KIF14: variants seen among roughly 807,000 people sequenced by gnomAD.
The protein encoded by KIF14 is kinesin family member 14.
Under a neutral mutation model 176.2 loss-of-function variants are expected in KIF14, and 98 were observed. The observed-to-expected ratio is 0.56, with a 90% CI of 0.47 to 0.66. The LOEUF is 0.66. Ranked by LOEUF, KIF14 falls within the 30% of genes least tolerant of loss-of-function variation. The pLI is 0.00. For synonymous variants in KIF14, 566 were observed against 632.2 expected (o/e 0.90, Z 1.57); for missense variants, 1,751 against 1,920.4 (o/e 0.91, Z 1.65).
At chr1:200,620,354 C>G (rs994565041) in intron 1 of KIF14, 57 bp downstream of exon 1, 3 of 152,238 alleles carry the variant, frequency 2.0e-5, no homozygotes, top group African/African-American at 2.4e-5. Flanking sequence ...ACCAAAACAT[C>G]CGGTGATTCT....
chr1:200,569,388 T>G (rs141892553), intron 23 of KIF14, among the ~76,000 whole-genome samples: 1 of 152,244 alleles, frequency 6.6e-6, no homozygotes, highest in Admixed American at 6.5e-5. Flanking sequence ...TGAAATAATT[T>G]TGGGATAGAT....
At chr1:200,591,682 C>A (rs1034326134) in intron 16 of KIF14, among the ~76,000 whole-genome samples, 13 of 152,216 alleles carry the variant, frequency 8.5e-5, no homozygotes, top group African/African-American at 3.1e-4. Context: ...GGATTCTCCT[C>A]TATGGGACGT....
At chr1:200,597,779 C>T (rs920630599) in intron 14 of KIF14, among the ~76,000 whole-genome samples, 9 of 152,082 alleles carry the variant, frequency 5.9e-5, no homozygotes, top group African/African-American at 2.2e-4. Context: ...AAAACAGGAA[C>T]CAATGTACAC....
chr1:200,579,400 A>G (rs955679487), intron 21 of KIF14, among the ~76,000 whole-genome samples: 3 of 152,178 alleles, frequency 2.0e-5, no homozygotes, highest in Admixed American at 2.0e-4. Context: ...CGAGGTCAGG[A>G]GTTCGAGACC....
chr1:200,598,264 G>C lies in KIF14; in HGVS notation c.2522C>G (p.Ser841Cys). Residue 841 changes from serine to cysteine, a missense_variant, in exon 14 of 30, where the codon TCT (serine) becomes TGT (cysteine). Physicochemically the swap from Ser to Cys is moderately radical, Grantham distance 112. Coordinates refer to ENST00000367350, the MANE Select transcript of KIF14 (RefSeq NM_014875.3). The stretch of plus-strand genomic sequence containing the variant: ...ATGATCATCAGCAATCAGCACCCCA[G>C]ATAACTGAATATCATGGCTTGAGTT... ...KPNSSHDIQL[S>C]GVLIADDHCT... 1 of 1,612,844 alleles carries C rather than the reference G, an allele frequency of 6.2e-7. No homozygotes were observed. Among genetic ancestry groups the C allele is most frequent in the East Asian group, 2.2e-5 (1 of 44,728 alleles).
At chr1:200,598,645 GC>G (rs1214721521) in intron 13 of KIF14, among the ~76,000 whole-genome samples, 1 of 152,072 alleles carries the variant, frequency 6.6e-6, no homozygotes, top group Non-Finnish European at 1.5e-5. Flanking sequence ...TGCAACCTCT[GC>G]CTCCTGGGTT....
intron 25 of KIF14, among the ~76,000 whole-genome samples, chr1:200,563,246 T>C (rs1010872482): frequency 6.6e-6 from 1 of 152,222 alleles, no homozygotes; most frequent in Non-Finnish European, 1.5e-5. Context: ...AGTCTTTCGG[T>C]GGGCACTATA....
intron 8 of KIF14, among the ~76,000 whole-genome samples, chr1:200,604,189 C>A (rs772180203): frequency 3.6e-4 from 54 of 152,018 alleles, no homozygotes; most frequent in Non-Finnish European, 6.5e-4. Flanking sequence ...ACCTCAGGCT[C>A]CCAAGTAGCT....
chr1:200,568,342 GATAA>G (rs1657583082), intron 23 of KIF14, among the ~76,000 whole-genome samples: 1 of 151,992 alleles, frequency 6.6e-6, no homozygotes, highest in Admixed American at 6.5e-5. Flanking sequence ...TTATTTTGCT[GATAA>G]ATAAAAAACC....
rs554329212 is a variant in KIF14 at position 200,603,075 on chromosome 1, G to A, written c.1979+151C>T. The A allele has an allele frequency of 5.7e-4, 281 of 493,406 alleles. 1 individual carries two copies. Among genetic ancestry groups the A allele is most frequent in the African/African-American group, 5.0e-3 (263 of 52,968 alleles). 30.6% of individuals were successfully genotyped at this position (493,406 alleles called of 1,614,324 possible). On this transcript the variant is annotated intron_variant, in intron 10 of 29. Transcript: ENST00000367350. ...AGTCACAGAGCTTATAAGATGCTGA[G>A]CTGAGATTCAAATCCAGGTAGTTTG...
Position 200,554,611 on chromosome 1 carries a change from A to G in KIF14, c.4429-5T>C. ...TACTTGCCTTCTGAAACTTTTCTGT[A>G]TAAATAAAGTTAATATTTAAAATAA... On this transcript the variant is annotated splice_region_variant and splice_polypyrimidine_tract_variant and intron_variant, in intron 28 of 29. Coordinates refer to ENST00000367350, the MANE Select transcript of KIF14 (RefSeq NM_014875.3). 5 of 1,400,730 alleles carry G rather than the reference A, an allele frequency of 3.6e-6. No individual in the cohort carries two copies. Among genetic ancestry groups the G allele is most frequent in the Non-Finnish European group, 5.0e-6 (5 of 1,005,314 alleles). The allele number at this position is 1,400,730 out of a possible 1,614,324, so 86.8% of individuals were successfully genotyped here. A position where few individuals can be genotyped will look rare whatever the true frequency, so the allele number is the denominator to read the frequency against.
At chr1:200,603,384 C>T (rs1408270459) in intron 9 of KIF14, 43 bp from the exon 10 acceptor site, 1 of 886,510 alleles carries the variant, frequency 1.1e-6, no homozygotes, top group African/African-American at 1.7e-5. Context: ...AAATACTTCT[C>T]AGCAAGAAAT....
Position 200,618,353 on chromosome 1 carries a change from C to A in KIF14, c.371G>T (p.Arg124Leu), listed in dbSNP as rs749427210. The change falls in exon 2 of 30, where the codon CGT becomes CTT. Residue 124 changes from arginine (R) to leucine (L), a missense_variant. Coordinates refer to ENST00000367350, the MANE Select transcript of KIF14 (RefSeq NM_014875.3). ...CTTTTCTGCAGAATCTGTTTTAGCACGACGTTGTAATGTAAGACGTGTTTC... is the reference window on the plus strand; with the variant it reads ...CTTTTCTGCAGAATCTGTTTTAGCAAGACGTTGTAATGTAAGACGTGTTTC... ...TAETRLTLQR[R>L]AKTDSAEKWK... The A allele has an allele frequency of 6.2e-7, 1 of 1,614,096 alleles. No individual in the cohort carries two copies. The highest frequency in any genetic ancestry group is 2.2e-5 in the East Asian group (1 of 44,880).
Position 200,617,783 on chromosome 1 carries a change from T to C in KIF14, c.941A>G (p.Lys314Arg), listed in dbSNP as rs112722057. ...AAGAAAGGAACTTTTTGGTCTTTGT[T>C]TAACTTGAAGGTTAGACATTCTATT... ...LKNRMSNLQV[K>R]QRPKSSFLAN... The change falls in exon 2 of 30, where the codon AAA becomes AGA. Residue 314 changes from lysine (K) to arginine (R), a missense_variant. Lys to Arg is a conservative substitution (Grantham distance 26). Coordinates refer to ENST00000367350, the MANE Select transcript of KIF14 (RefSeq NM_014875.3). 1,506 of 1,614,190 alleles carry C rather than the reference T, an allele frequency of 9.3e-4. 9 individuals carry two copies. The African/African-American group carries it at 0.012, about 13-fold the overall frequency.
chr1:200,578,955 G>C (rs559783398), intron 21 of KIF14, among the ~76,000 whole-genome samples: 1 of 152,084 alleles, frequency 6.6e-6, no homozygotes, highest in South Asian at 2.1e-4. Context: ...ACCGGGCATG[G>C]TGGTGGGCAC....
At chr1:200,582,861 GAA>G (rs555870188) in intron 19 of KIF14, among the ~76,000 whole-genome samples, 1 of 126,134 alleles carries the variant, frequency 7.9e-6, no homozygotes, top group Non-Finnish European at 1.7e-5. Flanking sequence ...CTCTGTCTCA[GAA>G]AAAAAAAAAA....
At chr1:200,558,984 T>C (rs1210894565) in intron 27 of KIF14, among the ~76,000 whole-genome samples, 5 of 152,214 alleles carry the variant, frequency 3.3e-5, no homozygotes, top group African/African-American at 1.2e-4. Context: ...ATAGTTTCCA[T>C]TCTTAGAAGA....
chr1:200,605,495 T>A (rs968066011), intron 7 of KIF14, 105 bp from the exon 8 acceptor site: 1 of 648,460 alleles, frequency 1.5e-6, no homozygotes, highest in Non-Finnish European at 2.6e-6. Context: ...ATCAGCAGAC[T>A]GTAACTCAAT....
chr1:200,576,066 T>C (rs567976670), intron 21 of KIF14, among the ~76,000 whole-genome samples: 2 of 152,368 alleles, frequency 1.3e-5, no homozygotes, highest in African/African-American at 4.8e-5. Context: ...TTACAGTCTA[T>C]ATTTTACATA....
Sources: allele counts gnomAD v4.1 joint callset (sites outside exome capture counted in the v4.1 genomes callset), GRCh38; gene constraint gnomAD v4.1.1; transcripts MANE v1.5; gene names NCBI Gene and HGNC (gene_info 2026-07-23, HGNC 2026-07-21).